Variants in ADAMTS7 observed in about 807,000 individuals in gnomAD.
The protein encoded by ADAMTS7 is A disintegrin and metalloproteinase with thrombospondin motifs 7.
A neutral mutation model predicts 172.6 loss-of-function variants in ADAMTS7; 89 were observed. The observed-to-expected ratio is 0.52, with a 90% CI of 0.43 to 0.61. The LOEUF (loss-of-function observed/expected upper bound fraction) is 0.61. ADAMTS7 is among the 20% of genes least tolerant of loss of function. The pLI, the probability that ADAMTS7 is intolerant of heterozygous loss-of-function variation, is 0.00. For missense variants in ADAMTS7, 1,973 were observed against 2,355.6 expected (o/e 0.84, Z 3.36); for synonymous variants, 885 against 978.4 (o/e 0.90, Z 1.78).
rs1188909162 is a variant in ADAMTS7, at chr15:78,798,353, C to T, written c.457-240G>A. On this transcript the variant is annotated intron_variant, in intron 2 of 23. Coordinates refer to ENST00000388820, the MANE Select transcript of ADAMTS7 (RefSeq NM_014272.5). ...CTTCAAAGCGGAGCTCAGAAGCCTC[C>T]GCCCCTGGGGATGCTGCCCCACACA... Among the ~76,000 whole-genome samples, 7 of 152,288 alleles carry T rather than the reference C, an allele frequency of 4.6e-5. No homozygotes were observed. In the South Asian group the frequency reaches 6.2e-4, roughly 14 times the overall value.
intron 8 of ADAMTS7, among the ~76,000 whole-genome samples, chr15:78,779,114 A>C (rs2055394582): frequency 1.3e-5 from 2 of 152,152 alleles, no homozygotes; most frequent in Non-Finnish European, 2.9e-5. Context: ...AAGAAAGCCA[A>C]GGTGACCAGA....
At chr15:78,767,161 C>T (rs1360721261) in intron 18 of ADAMTS7, 110 bp from the exon 19 acceptor site, 2 of 1,268,590 alleles carry the variant, frequency 1.6e-6, no homozygotes, top group East Asian at 5.0e-5. Flanking sequence ...TGGCAGAGAC[C>T]CCAGCCAGCC....
intron 13 of ADAMTS7, 107 bp downstream of exon 13, chr15:78,774,060 C>T (rs570209308): frequency 1.9e-5 from 29 of 1,502,542 alleles, no homozygotes; most frequent in Non-Finnish European, 2.4e-5. Flanking sequence ...ACCTGGGGCC[C>T]GCCATGGCCC....
rs753532595 is a variant in ADAMTS7, at chr15:78,774,205, G to A, written c.1972C>T (p.Arg658Ter). 6 of 1,590,114 alleles carry A rather than the reference G, an allele frequency of 3.8e-6. No homozygotes were observed. Among genetic ancestry groups the A allele is most frequent in the Admixed American group, 3.4e-5 (2 of 59,054 alleles). ...VVDGTPCYQV[R>*]ASRDLCINGI... ...TTGATGCAGAGGTCCCGGCTGGCTC[G>A]GACCTGGTAGCAGGGGGTGCCATCG... The change falls in exon 13 of 24, where the codon CGA (arginine) becomes TGA (stop). Residue 658 changes from arginine (R) to a stop codon, truncating the protein, a stop_gained. Transcript: ENST00000388820. LOFTEE classifies it high-confidence loss of function.
chr15:78,799,819 TTTTCTTTTTCTTTC>T (rs2141521799), intron 2 of ADAMTS7, among the ~76,000 whole-genome samples: 1 of 151,482 alleles, frequency 6.6e-6, no homozygotes, highest in South Asian at 2.1e-4. Context: ...TAAACTCTCT[TTTTCTTTTTCTTTC>T]TTTCTTTTTT....
chr15:78,771,460 G>A lies in ADAMTS7; in HGVS notation c.2376+125C>T. Reference sequence around the variant, plus strand: ...GGTAGAGGCCGCAGCAGGAGGGCCTGGCTCAGAGCCAGGCTCTGTGACTGA... The same window carrying A: ...GGTAGAGGCCGCAGCAGGAGGGCCTAGCTCAGAGCCAGGCTCTGTGACTGA... On this transcript the variant is annotated intron_variant, in intron 15 of 23. Transcript: ENST00000388820. The surrounding 1 kb of genome is among the most constrained non-coding windows in gnomAD (Gnocchi z 4.9). 2 of 1,535,860 alleles carry A rather than the reference G, an allele frequency of 1.3e-6. No homozygotes were observed. The highest frequency in any genetic ancestry group is 2.4e-5 in the South Asian group (2 of 84,500).
intron 16 of ADAMTS7, among the ~76,000 whole-genome samples, chr15:78,769,283 C>G (rs2055208611): frequency 1.3e-5 from 2 of 152,204 alleles, no homozygotes; most frequent in Non-Finnish European, 2.9e-5. Context: ...GCAGGACCCC[C>G]TCTGCTGGTG....
At chr15:78,776,972 G>A in intron 9 of ADAMTS7, 131 bp from the exon 10 acceptor site, 2 of 726,286 alleles carry the variant, frequency 2.8e-6, no homozygotes, top group South Asian at 1.8e-5. Flanking sequence ...ACCCCCAGAG[G>A]TTCCTTCTTG....
At position 78,790,685 on chromosome 15, in the gene ADAMTS7, G is replaced by A; in HGVS notation, c.1013C>T (p.Ala338Val). Residue 338 changes from alanine to valine, a missense_variant, in exon 6 of 24, where the codon GCC (alanine) becomes GTC (valine). Ala to Val is a moderately conservative substitution (Grantham distance 64, BLOSUM62 0). This residue lies in a region of ADAMTS7 where 526 missense variants were observed against 662.9 expected (regional missense o/e 0.79). Transcript: ENST00000388820. ...GCTGCAGTACCTGGTGAGCAGGATGGCAGTGTCATGGTGCAGGGGATGGGC... is the reference window on the plus strand; with the variant it reads ...GCTGCAGTACCTGGTGAGCAGGATGACAGTGTCATGGTGCAGGGGATGGGC... ...GDAHPLHHDT[A>V]ILLTRKDLCA... 6.8e-6 allele frequency: 11 copies of A among 1,613,814 alleles called. No homozygotes were observed. The highest frequency in any genetic ancestry group is 2.2e-5 in the East Asian group (1 of 44,884).
rs781387506 is a variant in ADAMTS7 at position 78,767,522 on chromosome 15, G to A, written c.2716C>T (p.Leu906Phe). The change falls in exon 18 of 24, where the codon CTC becomes TTC. Residue 906 changes from leucine to phenylalanine, a missense_variant. Leu to Phe is a conservative substitution (Grantham distance 22). Around this residue, in one of 8 missense-constraint regions of ADAMTS7, gnomAD observed 771 missense variants for 952.6 expected, o/e 0.81. Coordinates refer to ENST00000388820, the MANE Select transcript of ADAMTS7 (RefSeq NM_014272.5). Reference sequence around the variant, plus strand: ...TCCAGCCCCACGCTGCGGATGCAGAGCACGGCCCGGCGGGAGAGGCCCCCA... The same window carrying A: ...TCCAGCCCCACGCTGCGGATGCAGAACACGGCCCGGCGGGAGAGGCCCCCA... ...GPGGLSRRAV[L>F]CIRSVGLDEQ... 1 of 1,596,860 alleles carries A rather than the reference G, an allele frequency of 6.3e-7. No homozygotes were observed. Among genetic ancestry groups the A allele is most frequent in the Non-Finnish European group, 8.5e-7 (1 of 1,173,100 alleles).
intron 8 of ADAMTS7, among the ~76,000 whole-genome samples, chr15:78,780,837 C>T (rs1473403644): frequency 2.0e-5 from 3 of 152,210 alleles, no homozygotes; most frequent in Non-Finnish European, 4.4e-5. Flanking sequence ...TGTTCCTGAC[C>T]CCAGGAGGGC....
Position 78,766,454 on chromosome 15 carries a change from A to G in ADAMTS7, c.3457T>C (p.Leu1153=). 8.4e-7 allele frequency: 1 copy of G among 1,194,758 alleles called. No homozygotes were observed. The highest frequency in any genetic ancestry group is 1.2e-6 in the Non-Finnish European group (1 of 858,452). 74.0% of individuals were successfully genotyped at this position (1,194,758 alleles called of 1,614,324 possible). A position where few individuals can be genotyped will look rare whatever the true frequency, so the allele number is the denominator to read the frequency against. ...PPSEQTPGNP[L]INFLPEEDTP... is the part of the protein sequence containing the mutation. ...TCTTCCTCAGGCAGGAAATTGATCAAAGGGTTCCCAGGGGTCTGCTCTGAG... is the reference window on the plus strand; with the variant it reads ...TCTTCCTCAGGCAGGAAATTGATCAGAGGGTTCCCAGGGGTCTGCTCTGAG... Residue 1153 remains leucine (L), a synonymous_variant, in exon 19 of 24, where the codon TTG becomes CTG. Coordinates refer to ENST00000388820, the MANE Select transcript of ADAMTS7 (RefSeq NM_014272.5).
At chr15:78,769,582 G>A (rs1229679463) in intron 16 of ADAMTS7, among the ~76,000 whole-genome samples, 1 of 152,206 alleles carries the variant, frequency 6.6e-6, no homozygotes, top group African/African-American at 2.4e-5. Context: ...AGCCCTGGAA[G>A]GGAGGACACC....
At chr15:78,767,662 G>T (rs573004120) in intron 17 of ADAMTS7, 70 bp from the exon 18 acceptor site, 46 of 1,397,562 alleles carry the variant, frequency 3.3e-5, no homozygotes, top group Non-Finnish European at 3.9e-5. Context: ...CAGCAGGGGG[G>T]GCCAGGCTGG....
At position 78,766,470 on chromosome 15, in the gene ADAMTS7, C is replaced by T; in HGVS notation, c.3441G>A (p.Gln1147=). 8.8e-7 allele frequency: 1 copy of T among 1,141,784 alleles called. No individual in the cohort carries two copies. Among genetic ancestry groups the T allele is most frequent in the South Asian group, 1.4e-5 (1 of 73,206 alleles). 70.7% of individuals were successfully genotyped at this position (1,141,784 alleles called of 1,614,324 possible). A position where few individuals can be genotyped will look rare whatever the true frequency, so the allele number is the denominator to read the frequency against. ...AGRSPPPPSE[Q]TPGNPLINFL... ...AATTGATCAAAGGGTTCCCAGGGGT[C>T]TGCTCTGAGGGTGGGGGTGGGGAGC... is the stretch of plus-strand genomic sequence containing the variant. Residue 1147 remains glutamine, a synonymous_variant, in exon 19 of 24, where the codon CAG becomes CAA. Coordinates refer to ENST00000388820, the MANE Select transcript of ADAMTS7 (RefSeq NM_014272.5).
intron 16 of ADAMTS7, among the ~76,000 whole-genome samples, chr15:78,769,546 C>G (rs1292399895): frequency 6.6e-6 from 1 of 152,230 alleles, no homozygotes; most frequent in Non-Finnish European, 1.5e-5. Flanking sequence ...TTTCCCTCTC[C>G]TTCTTCCTGC....
chr15:78,797,693 C>T lies in ADAMTS7; in HGVS notation c.622+255G>A, dbSNP rs115915410. ...GAGGGAGCAGAGGGAGGCTGAGCCC[C>T]AACGTGGGAGAAGTAGGTGAGATGG... On this transcript the variant is annotated intron_variant, in intron 3 of 23. Transcript: ENST00000388820. Among the ~76,000 whole-genome samples the T allele has an allele frequency of 3.3e-3, 504 of 152,282 alleles. 5 individuals carry two copies. The highest frequency in any genetic ancestry group is 0.011 in the African/African-American group (458 of 41,548).
chr15:78,765,807 G>A lies in ADAMTS7; in HGVS notation c.4104C>T (p.Pro1368=), dbSNP rs1262595752. Residue 1368 remains proline (P), a synonymous_variant, in exon 19 of 24, where the codon CCC becomes CCT. Coordinates refer to ENST00000388820, the MANE Select transcript of ADAMTS7 (RefSeq NM_014272.5). ...GQPESLSPEV[P]LSSRLLSTPA... is the part of the protein sequence containing the mutation. Reference sequence around the variant, plus strand: ...GTGTGGACAGCAGCCTAGAGCTCAGGGGCACCTCAGGGCTGAGGGACTCAG... The same window carrying A: ...GTGTGGACAGCAGCCTAGAGCTCAGAGGCACCTCAGGGCTGAGGGACTCAG... The A allele has an allele frequency of 6.3e-7, 1 of 1,593,406 alleles. No homozygotes were observed. The highest frequency in any genetic ancestry group is 8.5e-7 in the Non-Finnish European group (1 of 1,171,660).
intron 12 of ADAMTS7, 151 bp from the exon 13 acceptor site, chr15:78,774,451 T>C (rs2141486866): frequency 7.3e-7 from 1 of 1,362,986 alleles, no homozygotes; most frequent in East Asian, 2.5e-5. Context: ...CTGATAGCTA[T>C]CTGCAAGGCT....
Sources: allele counts gnomAD v4.1 joint callset (sites outside exome capture counted in the v4.1 genomes callset), GRCh38; gene constraint gnomAD v4.1.1; regional missense constraint gnomAD v4.1.1; non-coding constraint Gnocchi (gnomAD v3.1); transcripts MANE v1.5; gene names NCBI Gene and HGNC (gene_info 2026-07-23, HGNC 2026-07-21).